Variants in MAP1LC3B observed in about 807,000 individuals in gnomAD.
MAP1LC3B encodes the protein microtubule associated protein 1 light chain 3 beta.
MAP1LC3B carries 12 observed loss-of-function variants against 16.7 expected under a neutral mutation model. That is an observed-to-expected ratio of 0.72 (90% CI 0.46 to 1.16). The LOEUF (loss-of-function observed/expected upper bound fraction) is 1.16, where lower values mean the gene tolerates loss of function less well. Ranked by LOEUF, MAP1LC3B falls within the 50% of genes most tolerant of loss-of-function variation. The probability of loss-of-function intolerance (pLI) is 0.00; values close to 1 mark genes in which losing one functional copy is unlikely to be tolerated. For missense variants in MAP1LC3B, 155 were observed against 159.5 expected, an observed-to-expected ratio of 0.97 and a Z score of 0.15; for synonymous variants, 63 against 56.5, an observed-to-expected ratio of 1.11 and a Z score of -0.51.
intron 1 of MAP1LC3B, chr16:87,396,927 A>C (rs1290764581): frequency 6.6e-6 from 1 of 152,206 alleles, no homozygotes; most frequent in African/African-American, 2.4e-5. Flanking sequence ...TCCCGGGTTC[A>C]AGCGATTCTC....
At chr16:87,393,245 A>G (rs1907670992) in intron 1 of MAP1LC3B, 2 of 152,370 alleles carry the variant, frequency 1.3e-5, no homozygotes, top group South Asian at 2.1e-4. Context: ...AGGTGTCACC[A>G]TCACAATATT....
intron 1 of MAP1LC3B, 158 bp downstream of exon 1, chr16:87,392,625 G>A (rs1314844588): frequency 3.4e-6 from 2 of 593,836 alleles, no homozygotes; most frequent in African/African-American, 2.0e-5. Context: ...CGGGGCCCGG[G>A]GCCCCGTGAG....
intron 1 of MAP1LC3B, 103 bp downstream of exon 1, chr16:87,392,570 G>C (rs1249246931): frequency 9.2e-7 from 1 of 1,082,780 alleles, no homozygotes; most frequent in East Asian, 4.0e-5. Flanking sequence ...CGAGCCGGGA[G>C]GCCGAGCGGG....
At chr16:87,402,337 T>C (rs774564068) in intron 3 of MAP1LC3B, 56 bp downstream of exon 3, 75 of 1,492,390 alleles carry the variant, frequency 5.0e-5, no homozygotes, top group Non-Finnish European at 6.3e-5. Flanking sequence ...TCTTATTCTT[T>C]ATGAAACTTA....
In MAP1LC3B at chr16:87,404,282, A is replaced by G. The variant is rs917240605; in HGVS notation, c.*1185A>G. On this transcript the variant is annotated 3_prime_UTR_variant, in exon 4 of 4. Transcript: ENST00000268607. ...TACTTGCATGGGGTTCACTATTTAT[A>G]GTTTTCTTGGGAGTATCACAGGAAA... 2.0e-5 allele frequency: 3 copies of G among 152,194 alleles called. No homozygotes were observed. The highest frequency in any genetic ancestry group is 7.2e-5 in the African/African-American group (3 of 41,430). 9.4% of individuals were successfully genotyped at this position (152,194 alleles called of 1,614,324 possible).
intron 1 of MAP1LC3B, among the ~76,000 whole-genome samples, chr16:87,398,201 T>C (rs998978656): frequency 5.3e-5 from 8 of 152,096 alleles, no homozygotes; most frequent in Non-Finnish European, 1.0e-4. Context: ...TTTTATACTT[T>C]TAGTAGAGAC....
Position 87,404,703 on chromosome 16 carries a change from C to T in MAP1LC3B, c.*1606C>T, listed in dbSNP as rs1172297947. 2.0e-5 allele frequency: 3 copies of T among 152,096 alleles called. No individual in the cohort carries two copies. Among genetic ancestry groups the T allele is most frequent in the African/African-American group, 7.2e-5 (3 of 41,406 alleles). 9.4% of individuals were successfully genotyped at this position (152,096 alleles called of 1,614,324 possible). The stretch of plus-strand genomic sequence containing the variant: ...GTGACCTATATCCCATGTGAGTGGT[C>T]ACTTTATTTATAGGATCTTTAAAAC... On this transcript the variant is annotated 3_prime_UTR_variant, in exon 4 of 4. Coordinates refer to ENST00000268607, the MANE Select transcript of MAP1LC3B (RefSeq NM_022818.5).
At chr16:87,395,481 C>T (rs936180793) in intron 1 of MAP1LC3B, among the ~76,000 whole-genome samples, 3 of 152,208 alleles carry the variant, frequency 2.0e-5, no homozygotes, top group Non-Finnish European at 4.4e-5. Context: ...GACTTGCCCT[C>T]CTTCTATGCC....
chr16:87,392,551 G>T, intron 1 of MAP1LC3B, 84 bp downstream of exon 1: 5 of 1,169,390 alleles, frequency 4.3e-6, no homozygotes, highest in Non-Finnish European at 5.3e-6. Context: ...CGCCGTGAGG[G>T]GTCGGGGCCG....
chr16:87,396,457 A>G (rs1053838730), intron 1 of MAP1LC3B, among the ~76,000 whole-genome samples: 51 of 151,728 alleles, frequency 3.4e-4, no homozygotes, highest in Non-Finnish European at 6.9e-4. Flanking sequence ...CCTGAGTGAC[A>G]GAGCAAGACT....
At chr16:87,402,038 T>C (rs1173223787) in intron 2 of MAP1LC3B, 137 bp from the exon 3 acceptor site, 3 of 685,492 alleles carry the variant, frequency 4.4e-6, no homozygotes, top group Non-Finnish European at 7.4e-6. Flanking sequence ...GGTTTCACCA[T>C]GTTAGCCAGG....
At chr16:87,393,260 C>T (rs527495811) in intron 1 of MAP1LC3B, 2 of 152,362 alleles carry the variant, frequency 1.3e-5, no homozygotes, top group Admixed American at 6.5e-5. Flanking sequence ...AATATTTACT[C>T]CACGCAGATG....
chr16:87,396,423 A>C (rs908412804), intron 1 of MAP1LC3B, among the ~76,000 whole-genome samples: 20 of 151,552 alleles, frequency 1.3e-4, no homozygotes, highest in African/African-American at 4.4e-4. Context: ...TGCAGTGAGC[A>C]GAGATCGCGC....
intron 1 of MAP1LC3B, 172 bp downstream of exon 1, chr16:87,392,639 C>T: frequency 2.0e-6 from 1 of 491,560 alleles, no homozygotes; most frequent in Non-Finnish European, 2.8e-6. Context: ...CCGTGAGGGA[C>T]CCAGGCCGGG....
chr16:87,404,674 A>AGG lies in MAP1LC3B; in HGVS notation c.*1580_*1581dup, dbSNP rs779440123. Reference sequence around the variant, plus strand: ...TTTTAAGAAAAAAAATAACATGCTGAGGGGTGACCTATATCCCATGTGAGT... The same window carrying AGG: ...TTTTAAGAAAAAAAATAACATGCTGAGGGGGGTGACCTATATCCCATGTGAGT... On this transcript the variant is annotated 3_prime_UTR_variant, in exon 4 of 4. Coordinates refer to ENST00000268607, the MANE Select transcript of MAP1LC3B (RefSeq NM_022818.5). 1.1e-4 allele frequency: 16 copies of AGG among 152,232 alleles called. No individual in the cohort carries two copies. The highest frequency in any genetic ancestry group is 1.9e-4 in the Non-Finnish European group (13 of 68,044). 9.4% of individuals were successfully genotyped at this position (152,232 alleles called of 1,614,324 possible). A position where few individuals can be genotyped will look rare whatever the true frequency, so the allele number is the denominator to read the frequency against.
intron 2 of MAP1LC3B, among the ~76,000 whole-genome samples, chr16:87,401,132 C>CAAAA (rs10543884): frequency 1.5e-5 from 1 of 67,582 alleles, no homozygotes; most frequent in African/African-American, 5.5e-5. Flanking sequence ...GACTCTGTCT[C>CAAAA]AAAAAAAAAA....
intron 1 of MAP1LC3B, 146 bp downstream of exon 1, chr16:87,392,613 T>G: frequency 4.1e-6 from 3 of 737,848 alleles, no homozygotes; most frequent in Non-Finnish European, 5.2e-6. Context: ...GGCCGAGGGA[T>G]GCGGGGCCCG....
chr16:87,393,541 C>A (rs1656198786), intron 1 of MAP1LC3B, among the ~76,000 whole-genome samples: 1 of 152,076 alleles, frequency 6.6e-6, no homozygotes, highest in African/African-American at 2.4e-5. Flanking sequence ...TTTTCTTATG[C>A]CTGAGAAACT....
chr16:87,402,952 C>G lies in MAP1LC3B; in HGVS notation c.233C>G (p.Ala78Gly). Reference protein sequence around the residue: ...RRRLQLNANQAFFLLVNGHSM... With the variant: ...RRRLQLNANQGFFLLVNGHSM... ...CGCTTACAGCTCAATGCTAATCAGGCCTTCTTCCTGTTGGTGAACGGACAC... is the reference window on the plus strand; with the variant it reads ...CGCTTACAGCTCAATGCTAATCAGGGCTTCTTCCTGTTGGTGAACGGACAC... The change falls in exon 4 of 4, where the codon GCC (alanine) becomes GGC (glycine). Residue 78 changes from alanine to glycine, a missense_variant. Ala to Gly is a moderately conservative substitution (Grantham distance 60). Transcript: ENST00000268607. The G allele has an allele frequency of 1.2e-6, 2 of 1,613,996 alleles. No homozygotes were observed. The highest frequency in any genetic ancestry group is 1.1e-5 in the South Asian group (1 of 91,080).
Sources: gnomAD v4.1 joint callset for allele counts (sites outside exome capture counted in the v4.1 genomes callset) on GRCh38, gnomAD v4.1.1 for gene constraint, MANE v1.5 for transcripts, NCBI Gene and HGNC (gene_info 2026-07-23, HGNC 2026-07-21) for gene names.